RAD51: variants seen among roughly 807,000 people sequenced by gnomAD.
RAD51 encodes the protein DNA repair protein RAD51 homolog 1.
A neutral mutation model predicts 41.5 loss-of-function variants in RAD51; 14 were observed. The observed-to-expected ratio is 0.34, with a 90% CI of 0.22 to 0.53. The LOEUF (loss-of-function observed/expected upper bound fraction) is 0.53. Among genes scored for constraint, RAD51 ranks in the 20% least tolerant of loss-of-function variants. The pLI is 0.95. For synonymous variants in RAD51, 136 were observed against 148.6 expected (o/e 0.92, Z 0.62); for missense variants, 234 against 422.0 (o/e 0.55, Z 3.90).
intron 1 of RAD51, among the ~76,000 whole-genome samples, chr15:40,698,416 G>A (rs935782290): frequency 5.3e-5 from 8 of 152,054 alleles, no homozygotes; most frequent in Non-Finnish European, 1.2e-4. Context: ...TTGATCTCCT[G>A]ACCTGGTGAT....
intron 7 of RAD51, among the ~76,000 whole-genome samples, 166 bp from the exon 8 acceptor site, chr15:40,729,339 C>G (rs1011346333): frequency 1.5e-5 from 2 of 137,694 alleles, no homozygotes; most frequent in African/African-American, 5.4e-5. Context: ...CCCCACTGCA[C>G]TCCAGCCTGG....
At chr15:40,714,594 C>T (rs1170096939) in intron 5 of RAD51, among the ~76,000 whole-genome samples, 1 of 152,014 alleles carries the variant, frequency 6.6e-6, no homozygotes, top group Non-Finnish European at 1.5e-5. Context: ...GATGGCTGAA[C>T]AACTATATAG....
intron 6 of RAD51, among the ~76,000 whole-genome samples, chr15:40,722,417 GA>G (rs35073579): frequency 0.055 from 7,238 of 130,452 alleles, 521 homozygotes; most frequent in African/African-American, 0.17. Context: ...CTGGCTCGGG[GA>G]AAAAAAAAAA....
At chr15:40,698,282 G>A (rs143106892) in intron 1 of RAD51, among the ~76,000 whole-genome samples, 59 of 151,006 alleles carry the variant, frequency 3.9e-4, no homozygotes, top group African/African-American at 6.1e-4. Context: ...TCTGTCTTCC[G>A]GGTTGAAGCC....
In RAD51 at chr15:40,706,201, A is replaced by G. The variant is rs755778442; in HGVS notation, c.250A>G (p.Met84Val). The change falls in exon 4 of 10, where the codon ATG becomes GTG. Residue 84 changes from methionine to valine, a missense_variant. Physicochemically the swap from Met to Val is conservative, Grantham distance 21. Coordinates refer to ENST00000267868, the MANE Select transcript of RAD51 (RefSeq NM_002875.5). ...ILAEAAKLVP[M>V]GFTTATEFHQ... Reference sequence around the variant, plus strand: ...GGCTGAGGCAGCTAAATTAGTTCCAATGGGTTTCACCACTGCAACTGAATT... The same window carrying G: ...GGCTGAGGCAGCTAAATTAGTTCCAGTGGGTTTCACCACTGCAACTGAATT... 5.0e-6 allele frequency: 8 copies of G among 1,613,838 alleles called. No homozygotes were observed. The highest frequency in any genetic ancestry group is 2.2e-5 in the East Asian group (1 of 44,896).
At chr15:40,723,943 G>A (rs988845849) in intron 6 of RAD51, among the ~76,000 whole-genome samples, 5 of 152,132 alleles carry the variant, frequency 3.3e-5, no homozygotes, top group Non-Finnish European at 5.9e-5. Flanking sequence ...TTTAGTCCCT[G>A]CCACACATTT....
chr15:40,713,782 A>G (rs1370896788), intron 5 of RAD51, among the ~76,000 whole-genome samples: 1 of 150,882 alleles, frequency 6.6e-6, no homozygotes, highest in Non-Finnish European at 1.5e-5. Context: ...AATTTTTTGT[A>G]TTTTTAGTAG....
intron 3 of RAD51, among the ~76,000 whole-genome samples, chr15:40,703,163 G>A (rs1895107520): frequency 1.3e-5 from 2 of 152,140 alleles, no homozygotes; most frequent in Non-Finnish European, 2.9e-5. Context: ...GCTCTGTGGA[G>A]GCAGGAATCA....
intron 5 of RAD51, among the ~76,000 whole-genome samples, chr15:40,713,574 A>AC (rs1895827794): frequency 7.3e-6 from 1 of 137,532 alleles, no homozygotes; most frequent in Non-Finnish European, 1.6e-5. Flanking sequence ...TTATTGCTCC[A>AC]CTGATATTTT....
At chr15:40,719,954 A>G (rs1237861327) in intron 6 of RAD51, among the ~76,000 whole-genome samples, 1 of 152,198 alleles carries the variant, frequency 6.6e-6, no homozygotes, top group African/African-American at 2.4e-5. Flanking sequence ...CCCCAAAATA[A>G]CATGAAACAA....
intron 6 of RAD51, among the ~76,000 whole-genome samples, chr15:40,726,479 C>T (rs1896590957): frequency 6.6e-6 from 1 of 151,812 alleles, no homozygotes; most frequent in African/African-American, 2.4e-5. Flanking sequence ...GTCTCGAACT[C>T]CTGACCTCAA....
intron 6 of RAD51, among the ~76,000 whole-genome samples, chr15:40,721,085 A>G (rs930464734): frequency 6.6e-6 from 1 of 152,218 alleles, no homozygotes; most frequent in African/African-American, 2.4e-5. Context: ...TGGGAGGGTA[A>G]GGAAGGAGAA....
intron 6 of RAD51, among the ~76,000 whole-genome samples, chr15:40,725,402 T>A (rs972542795): frequency 2.0e-5 from 3 of 152,162 alleles, no homozygotes; most frequent in African/African-American, 7.2e-5. Context: ...AAGAAAAAAA[T>A]TTTATAATTG....
At chr15:40,721,405 C>G (rs972251534) in intron 6 of RAD51, among the ~76,000 whole-genome samples, 15 of 152,072 alleles carry the variant, frequency 9.9e-5, no homozygotes, top group African/African-American at 3.4e-4. Flanking sequence ...CTACAATAAC[C>G]AAGACAATAT....
chr15:40,719,571 G>A (rs564213032), intron 6 of RAD51, among the ~76,000 whole-genome samples: 48 of 152,064 alleles, frequency 3.2e-4, no homozygotes, highest in Admixed American at 1.7e-3. Flanking sequence ...TGTGGCTCAC[G>A]CCTGTAATCC....
At chr15:40,717,895 G>C (rs1896065375) in intron 5 of RAD51, among the ~76,000 whole-genome samples, 1 of 152,146 alleles carries the variant, frequency 6.6e-6, no homozygotes, top group South Asian at 2.1e-4. Flanking sequence ...CCAAGTTTCT[G>C]TACTTTTGAA....
At chr15:40,699,271 G>C (rs867982422) in intron 2 of RAD51, among the ~76,000 whole-genome samples, 5 of 152,162 alleles carry the variant, frequency 3.3e-5, no homozygotes, top group African/African-American at 1.2e-4. Context: ...AGCCTCCCAA[G>C]TAGCTGGAAT....
intron 6 of RAD51, among the ~76,000 whole-genome samples, chr15:40,722,447 A>G (rs558989978): frequency 2.0e-5 from 3 of 151,438 alleles, no homozygotes; most frequent in African/African-American, 4.8e-5. Context: ...CAAAAACTGT[A>G]TGATTCCACT....
intron 2 of RAD51, 83 bp from the exon 3 acceptor site, chr15:40,700,981 T>A: frequency 7.4e-7 from 1 of 1,349,902 alleles, no homozygotes; most frequent in Admixed American, 1.8e-5. Flanking sequence ...CAAGCACCTC[T>A]GTGAAGTATG....
Sources: gnomAD v4.1 joint callset for allele counts (sites outside exome capture counted in the v4.1 genomes callset) on GRCh38, gnomAD v4.1.1 for gene constraint, MANE v1.5 for transcripts, NCBI Gene and HGNC (gene_info 2026-07-23, HGNC 2026-07-21) for gene names.